The following ABCG8 variants were observed in gnomAD, a reference collection of about 807,000 sequenced individuals.
ABCG8 encodes the protein ATP-binding cassette sub-family G member 8.
ABCG8 carries 81 observed loss-of-function variants against 71.3 expected under a neutral mutation model. That is an observed-to-expected ratio of 1.14 (90% CI 0.95 to 1.37). ABCG8 has a LOEUF of 1.37. Ranked by LOEUF, ABCG8 falls within the 40% of genes most tolerant of loss-of-function variation. The probability of loss-of-function intolerance (pLI) is 0.00; values close to 1 mark genes in which losing one functional copy is unlikely to be tolerated. For missense variants in ABCG8, 1,119 were observed against 866.2 expected (o/e 1.29, Z -3.66); for synonymous variants, 451 against 354.7 (o/e 1.27, Z -3.05).
intron 6 of ABCG8, among the ~76,000 whole-genome samples, chr2:43,855,990 C>T (rs1272306965): frequency 2.0e-5 from 3 of 152,114 alleles, no homozygotes; most frequent in African/African-American, 7.2e-5. Flanking sequence ...AGAATTCTTA[C>T]CATCTGGATA....
At chr2:43,850,306 C>T (rs566210345) in intron 3 of ABCG8, among the ~76,000 whole-genome samples, 11 of 152,260 alleles carry the variant, frequency 7.2e-5, no homozygotes, top group South Asian at 4.1e-4. Context: ...GAGCCCAATC[C>T]GCATTCATAG....
intron 6 of ABCG8, among the ~76,000 whole-genome samples, chr2:43,856,534 A>G (rs1669114113): frequency 6.6e-6 from 1 of 151,970 alleles, no homozygotes; most frequent in Admixed American, 6.6e-5. Context: ...CTTTCTGGAT[A>G]GAAATCTCAC....
chr2:43,839,189 C>G, intron 1 of ABCG8, 73 bp downstream of exon 1: 2 of 1,483,556 alleles, frequency 1.3e-6, no homozygotes, highest in Non-Finnish European at 1.8e-6. Flanking sequence ...TCTCTTCCCT[C>G]AGGAGCCTTC....
At chr2:43,862,870 A>T (rs546556750) in intron 6 of ABCG8, among the ~76,000 whole-genome samples, 1 of 150,202 alleles carries the variant, frequency 6.7e-6, no homozygotes, top group South Asian at 2.1e-4. Flanking sequence ...TAGAACTCTC[A>T]CTCTCTGTCT....
intron 6 of ABCG8, among the ~76,000 whole-genome samples, chr2:43,865,398 TCTCA>T (rs1478760323): frequency 2.0e-5 from 3 of 149,444 alleles, no homozygotes; most frequent in African/African-American, 7.4e-5. Context: ...TGCATGGAAC[TCTCA>T]CTATCTGTCT....
At chr2:43,850,015 C>T (rs1668864556) in intron 3 of ABCG8, among the ~76,000 whole-genome samples, 2 of 152,074 alleles carry the variant, frequency 1.3e-5, no homozygotes, top group African/African-American at 4.8e-5. Flanking sequence ...GCCTGGCCAA[C>T]ATGGTGAAAC....
Position 43,877,564 on chromosome 2 carries a change from C to A in ABCG8, c.1760C>A (p.Pro587His), listed in dbSNP as rs374408464. The stretch of plus-strand genomic sequence containing the variant: ...TAACGCGGCTGTCTGTCTCCAGTGC[C>A]CGCGTGGATTTCCAAAGTGTCCTTC... ...MINLSSLWTV[P>H]AWISKVSFLR... The change falls in exon 12 of 13, where the codon CCC becomes CAC. Residue 587 changes from proline (P) to histidine (H), a missense_variant. Coordinates refer to ENST00000272286, the MANE Select transcript of ABCG8 (RefSeq NM_022437.3). The A allele has an allele frequency of 1.9e-6, 3 of 1,613,718 alleles. No homozygotes were observed. The highest frequency in any genetic ancestry group is 2.5e-6 in the Non-Finnish European group (3 of 1,180,008).
At chr2:43,851,854 G>T (rs895586633) in intron 4 of ABCG8, 32 bp downstream of exon 4, 1 of 1,609,846 alleles carries the variant, frequency 6.2e-7, no homozygotes, top group Non-Finnish European at 8.5e-7. Flanking sequence ...TGACCCCCAG[G>T]TCCAAGAAGC....
At chr2:43,847,949 G>A (rs1668797286) in intron 3 of ABCG8, 1 of 151,486 alleles carries the variant, frequency 6.6e-6, no homozygotes, top group Non-Finnish European at 1.5e-5. Flanking sequence ...ATTTTTTGTA[G>A]AGATATGGTT....
chr2:43,852,937 A>G (rs923523088), intron 6 of ABCG8, 69 bp downstream of exon 6: 1 of 1,592,280 alleles, frequency 6.3e-7, no homozygotes, highest in African/African-American at 1.3e-5. Flanking sequence ...ACCCTGCCCA[A>G]GCTTGCTGGA....
intron 1 of ABCG8, among the ~76,000 whole-genome samples, chr2:43,839,805 G>A (rs911675059): frequency 6.6e-6 from 1 of 152,094 alleles, no homozygotes; most frequent in South Asian, 2.1e-4. Flanking sequence ...CTCCATCCAT[G>A]TGGCTGTCAG....
intron 3 of ABCG8, 80 bp from the exon 4 acceptor site, chr2:43,851,504 A>C: frequency 1.3e-6 from 2 of 1,496,360 alleles, no homozygotes; most frequent in Non-Finnish European, 1.9e-6. Context: ...GGGGTCCTGG[A>C]GAGTGTATGG....
At chr2:43,876,670 G>C (rs892935949) in intron 11 of ABCG8, among the ~76,000 whole-genome samples, 20 of 150,894 alleles carry the variant, frequency 1.3e-4, no homozygotes, top group African/African-American at 4.9e-4. Context: ...GGAATATGAG[G>C]AAAGTGTGAA....
intron 6 of ABCG8, among the ~76,000 whole-genome samples, chr2:43,861,737 C>G (rs1319201499): frequency 6.6e-6 from 1 of 150,808 alleles, no homozygotes; most frequent in African/African-American, 2.4e-5. Flanking sequence ...CTATGTCTCA[C>G]TATCCGGATA....
intron 3 of ABCG8, among the ~76,000 whole-genome samples, chr2:43,850,288 C>G (rs574301351): frequency 6.6e-6 from 1 of 152,136 alleles, no homozygotes; most frequent in Non-Finnish European, 1.5e-5. Context: ...GGAAGATGTT[C>G]TGAGCCTGAG....
At position 43,839,403 on chromosome 2, in the gene ABCG8, C is replaced by CTTTTTTTTTTTTTTTTTTTTTTTTTTT. The variant is rs537784677; in HGVS notation, c.63+302_63+328dup. Among the ~76,000 whole-genome samples the CTTTTTTTTTTTTTTTTTTTTTTTTTTT allele has an allele frequency of 2.5e-4, 15 of 59,310 alleles. 3 individuals are homozygous for CTTTTTTTTTTTTTTTTTTTTTTTTTTT. Among genetic ancestry groups the CTTTTTTTTTTTTTTTTTTTTTTTTTTT allele is most frequent in the Admixed American group, 8.6e-4 (3 of 3,500 alleles). The allele number at this position is 59,310 out of a possible 152,430, so 38.9% of individuals were successfully genotyped here. A position where few individuals can be genotyped will look rare whatever the true frequency, so the allele number is the denominator to read the frequency against. ...CACTTTTTCTTTTTTCTTTTCTTCTCTTTTTTTTTTTTTTTTTTTTTTTTT... is the reference window on the plus strand; with the variant it reads ...CACTTTTTCTTTTTTCTTTTCTTCTCTTTTTTTTTTTTTTTTTTTTTTTTTTTTTTTTTTTTTTTTTTTTTTTTTTTT... On this transcript the variant is annotated intron_variant, in intron 1 of 12. Coordinates refer to ENST00000272286, the MANE Select transcript of ABCG8 (RefSeq NM_022437.3).
In ABCG8 at chr2:43,852,792, G is replaced by T. The variant is rs143182625; in HGVS notation, c.888G>T (p.Ala296=). 6.6e-5 allele frequency: 106 copies of T among 1,614,070 alleles called. No individual in the cohort carries two copies. The African/African-American group carries it at 1.2e-3, about 19-fold the overall frequency. Residue 296 remains alanine (A), a synonymous_variant, in exon 6 of 13, where the codon GCG becomes GCT. Transcript: ENST00000272286. ...CTGGCACCCCCATCTACTTAGGGGC[G>T]GCCCAGCACATGGTCCAGTATTTCA... ...MTSGTPIYLG[A]AQHMVQYFTA... is the part of the protein sequence containing the mutation.
intron 2 of ABCG8, among the ~76,000 whole-genome samples, chr2:43,844,848 C>T (rs950503823): frequency 3.3e-5 from 5 of 152,030 alleles, no homozygotes; most frequent in East Asian, 1.9e-4. Flanking sequence ...AAACAAAATG[C>T]GTGAACCTAT....
At chr2:43,851,455 C>A in intron 3 of ABCG8, 129 bp from the exon 4 acceptor site, 2 of 1,051,252 alleles carry the variant, frequency 1.9e-6, no homozygotes, top group Non-Finnish European at 2.9e-6. Flanking sequence ...TATGCCACCT[C>A]TCTAGGGGCT....
Sources: allele counts gnomAD v4.1 joint callset (sites outside exome capture counted in the v4.1 genomes callset), GRCh38; gene constraint gnomAD v4.1.1; transcripts MANE v1.5; gene names NCBI Gene and HGNC (gene_info 2026-07-23, HGNC 2026-07-21).